C7orf78: variants seen among roughly 807,000 people sequenced by gnomAD.
The protein encoded by C7orf78 is chromosome 7 open reading frame 78.
the C7orf78 span, among the ~76,000 whole-genome samples, chr7:12,517,235 G>A: frequency 6.6e-6 from 1 of 152,042 alleles, no homozygotes; most frequent in East Asian, 1.9e-4. Context: ...TTTATCAGGG[G>A]TGTCCGCTTT....
chr7:12,505,266 T>C, the C7orf78 span, among the ~76,000 whole-genome samples: 1 of 152,126 alleles, frequency 6.6e-6, no homozygotes, highest in African/African-American at 2.4e-5. Flanking sequence ...AAAATTTGCA[T>C]TTTTGTAAGG....
the C7orf78 span, among the ~76,000 whole-genome samples, chr7:12,540,272 C>T: frequency 2.8e-3 from 430 of 152,322 alleles, 3 homozygotes; most frequent in African/African-American, 9.4e-3. Context: ...TCCTGTCTCC[C>T]CTCACCTAAG....
the C7orf78 span, among the ~76,000 whole-genome samples, chr7:12,525,450 A>T: frequency 6.6e-6 from 1 of 152,130 alleles, no homozygotes; most frequent in Non-Finnish European, 1.5e-5. Flanking sequence ...GTCATAAATT[A>T]CAATCAAGTT....
the C7orf78 span, among the ~76,000 whole-genome samples, chr7:12,486,485 T>C: frequency 4.6e-5 from 7 of 152,150 alleles, no homozygotes; most frequent in East Asian, 1.3e-3. Flanking sequence ...CAATATTTTA[T>C]AGTTTCATCA....
the C7orf78 span, among the ~76,000 whole-genome samples, chr7:12,516,574 A>G: frequency 6.6e-6 from 1 of 152,178 alleles, no homozygotes; most frequent in Non-Finnish European, 1.5e-5. Context: ...AGCTTGCACC[A>G]TGTGCCTGGA....
chr7:12,486,364 A>G, the C7orf78 span, among the ~76,000 whole-genome samples: 1 of 151,800 alleles, frequency 6.6e-6, no homozygotes, highest in Non-Finnish European at 1.5e-5. Context: ...TTTTCCACAC[A>G]CTATTCATTC....
At chr7:12,528,034 G>A in the C7orf78 span, among the ~76,000 whole-genome samples, 1 of 148,960 alleles carries the variant, frequency 6.7e-6, no homozygotes, top group Non-Finnish European at 1.5e-5. Flanking sequence ...TAATTGAAAT[G>A]GAACATGTCA....
At chr7:12,518,093 G>T in the C7orf78 span, among the ~76,000 whole-genome samples, 1 of 152,194 alleles carries the variant, frequency 6.6e-6, no homozygotes, top group African/African-American at 2.4e-5. Flanking sequence ...GATTCTGAAT[G>T]TGTGCAGTAG....
At chr7:12,494,687 A>C in the C7orf78 span, among the ~76,000 whole-genome samples, 1 of 152,210 alleles carries the variant, frequency 6.6e-6, no homozygotes, top group Non-Finnish European at 1.5e-5. Context: ...TCTGTTTAGA[A>C]ATACATATTC....
the C7orf78 span, among the ~76,000 whole-genome samples, chr7:12,526,788 C>T: frequency 6.6e-6 from 1 of 151,240 alleles, no homozygotes; most frequent in South Asian, 2.1e-4. Flanking sequence ...GTCAACTTTC[C>T]TAGTATATGC....
chr7:12,518,060 G>A, the C7orf78 span, among the ~76,000 whole-genome samples: 1 of 152,146 alleles, frequency 6.6e-6, no homozygotes, highest in Non-Finnish European at 1.5e-5. Context: ...TATCTATGAT[G>A]TTTGTTGGGG....
the C7orf78 span, among the ~76,000 whole-genome samples, chr7:12,502,639 T>G: frequency 1.3e-5 from 2 of 152,022 alleles, no homozygotes; most frequent in Non-Finnish European, 2.9e-5. Context: ...TTGGTGGGAC[T>G]GTAAACTAGT....
At chr7:12,498,433 G>A in the C7orf78 span, among the ~76,000 whole-genome samples, 2 of 151,286 alleles carry the variant, frequency 1.3e-5, no homozygotes, top group Non-Finnish European at 1.5e-5. Flanking sequence ...ACTACGTGAA[G>A]AATGCAGAAG....
At chr7:12,526,634 T>C in the C7orf78 span, among the ~76,000 whole-genome samples, 1 of 152,220 alleles carries the variant, frequency 6.6e-6, no homozygotes, top group African/African-American at 2.4e-5. Context: ...ACAAATATTG[T>C]ACACATTTTA....
chr7:12,524,561 T>A, the C7orf78 span, among the ~76,000 whole-genome samples: 1 of 152,132 alleles, frequency 6.6e-6, no homozygotes, highest in Non-Finnish European at 1.5e-5. Context: ...AATACCTTAC[T>A]AGGCCAGGAG....
At chr7:12,538,860 T>G in the C7orf78 span, among the ~76,000 whole-genome samples, 7 of 151,980 alleles carry the variant, frequency 4.6e-5, no homozygotes, top group Non-Finnish European at 1.0e-4. Context: ...TGCTCTATGA[T>G]CAAATGCTCA....
chr7:12,515,557 T>C, the C7orf78 span, among the ~76,000 whole-genome samples: 4 of 152,128 alleles, frequency 2.6e-5, no homozygotes, highest in African/African-American at 9.7e-5. Context: ...TGGAATTGGG[T>C]AACAGGCAGA....
the C7orf78 span, among the ~76,000 whole-genome samples, chr7:12,521,834 C>T: frequency 1.3e-5 from 2 of 151,812 alleles, no homozygotes; most frequent in Admixed American, 1.3e-4. Context: ...ACTTTTAATA[C>T]TATAACTCCA....
chr7:12,539,186 C>G, the C7orf78 span, among the ~76,000 whole-genome samples: 1 of 152,118 alleles, frequency 6.6e-6, no homozygotes, highest in Non-Finnish European at 1.5e-5. Flanking sequence ...CCTTTAGGGC[C>G]GGGCGCAGTG....
Sources: gnomAD v4.1 joint callset for allele counts (sites outside exome capture counted in the v4.1 genomes callset) on GRCh38, gnomAD v4.1.1 for gene constraint, MANE v1.5 for transcripts, NCBI Gene and HGNC (gene_info 2026-07-23, HGNC 2026-07-21) for gene names.